The following PTPRO variants were observed in gnomAD, a reference collection of about 807,000 sequenced individuals.
The protein encoded by PTPRO is receptor-type tyrosine-protein phosphatase O.
A neutral mutation model predicts 145.2 loss-of-function variants in PTPRO; 62 were observed. That is an observed-to-expected ratio of 0.43 (90% CI 0.35 to 0.53). The LOEUF (loss-of-function observed/expected upper bound fraction) is 0.53. Among genes scored for constraint, PTPRO ranks in the 20% least tolerant of loss-of-function variants. The pLI, the probability that PTPRO is intolerant of heterozygous loss-of-function variation, is 0.01. For synonymous variants in PTPRO, 565 were observed against 514.7 expected, an observed-to-expected ratio of 1.10 and a Z score of -1.32; for missense variants, 1,345 against 1,482.7, an observed-to-expected ratio of 0.91 and a Z score of 1.53.
At chr12:15,567,928 ATGC>A (rs1943942825) in intron 18 of PTPRO, among the ~76,000 whole-genome samples, 1 of 152,176 alleles carries the variant, frequency 6.6e-6, no homozygotes, top group Admixed American at 6.5e-5. Flanking sequence ...AAGCAAGATA[ATGC>A]ATGTGACTAT....
intron 17 of PTPRO, among the ~76,000 whole-genome samples, chr12:15,563,272 A>G (rs1943820034): frequency 6.6e-6 from 1 of 152,056 alleles, no homozygotes; most frequent in Non-Finnish European, 1.5e-5. Flanking sequence ...TGCAATGAAA[A>G]GGCGAACCCT....
rs1944693177 is a variant in PTPRO, at chr12:15,598,050, A to C, written c.*1977A>C. 6.6e-6 allele frequency among the ~76,000 whole-genome samples: 1 copy of C among 152,196 alleles called. No homozygotes were observed. Among genetic ancestry groups the C allele is most frequent in the Non-Finnish European group, 1.5e-5 (1 of 68,046 alleles). On this transcript the variant is annotated 3_prime_UTR_variant, in exon 27 of 27. Coordinates refer to ENST00000281171, the MANE Select transcript of PTPRO (RefSeq NM_030667.3). The stretch of plus-strand genomic sequence containing the variant: ...TGCTTCCCATGAAACAAAGCACTTC[A>C]TAAATATTTTATGTTTTTCTTGAGC...
intron 9 of PTPRO, among the ~76,000 whole-genome samples, chr12:15,517,577 G>A (rs1565679658): frequency 6.6e-6 from 1 of 152,150 alleles, no homozygotes; most frequent in Non-Finnish European, 1.5e-5. Context: ...CTGCCTATGA[G>A]TCTGTAAAAT....
intron 1 of PTPRO, among the ~76,000 whole-genome samples, chr12:15,474,256 C>T (rs1263529413): frequency 2.0e-5 from 3 of 152,146 alleles, no homozygotes; most frequent in Non-Finnish European, 2.9e-5. Flanking sequence ...ATATCTCTGA[C>T]CCGTTTTTGT....
intron 1 of PTPRO, among the ~76,000 whole-genome samples, chr12:15,368,766 T>C (rs532963292): frequency 6.6e-6 from 1 of 152,258 alleles, no homozygotes; most frequent in Non-Finnish European, 1.5e-5. Flanking sequence ...AGATTTCACA[T>C]TGAGAATGTT....
intron 1 of PTPRO, among the ~76,000 whole-genome samples, chr12:15,327,769 T>C (rs1866488219): frequency 6.6e-6 from 1 of 151,886 alleles, no homozygotes; most frequent in Non-Finnish European, 1.5e-5. Flanking sequence ...TTGGGATGAG[T>C]GTGAATGGGT....
chr12:15,426,443 C>A (rs1030788018), intron 1 of PTPRO, among the ~76,000 whole-genome samples: 1 of 151,852 alleles, frequency 6.6e-6, no homozygotes. Context: ...GAAAACTATT[C>A]GTGATAATAT....
chr12:15,472,936 A>G (rs534193853), intron 1 of PTPRO, among the ~76,000 whole-genome samples: 153 of 152,328 alleles, frequency 1.0e-3, no homozygotes, highest in African/African-American at 3.5e-3. Flanking sequence ...AATTCTAGTT[A>G]TAAAACTTCA....
intron 1 of PTPRO, among the ~76,000 whole-genome samples, chr12:15,400,389 G>A (rs766513765): frequency 3.9e-5 from 6 of 152,076 alleles, no homozygotes; most frequent in African/African-American, 9.7e-5. Context: ...ACCTTGTACC[G>A]CTGTGCCTAT....
chr12:15,531,354 C>T (rs1366098630), intron 12 of PTPRO, among the ~76,000 whole-genome samples: 1 of 152,094 alleles, frequency 6.6e-6, no homozygotes, highest in Non-Finnish European at 1.5e-5. Flanking sequence ...CAAATTCATT[C>T]TGTAAGATAA....
At chr12:15,587,077 T>C in intron 24 of PTPRO, 26 bp downstream of exon 24, 4 of 1,613,556 alleles carry the variant, frequency 2.5e-6, no homozygotes, top group Non-Finnish European at 8.5e-7. Flanking sequence ...GCATTTTCTA[T>C]TAAATATTAG....
At chr12:15,412,576 A>G (rs1046389781) in intron 1 of PTPRO, among the ~76,000 whole-genome samples, 10 of 152,234 alleles carry the variant, frequency 6.6e-5, no homozygotes, top group Non-Finnish European at 1.3e-4. Context: ...GGTAACTCTA[A>G]TAAACAAATC....
In PTPRO at chr12:15,448,339, T is replaced by TAA. The variant is rs56136736; in HGVS notation, c.76-35615_76-35614dup. Among the ~76,000 whole-genome samples, 398 of 45,042 alleles carry TAA rather than the reference T, an allele frequency of 8.8e-3. 89 individuals carry two copies. The East Asian group carries it at 0.26, about 29-fold the overall frequency. The allele number at this position is 45,042 out of a possible 152,430, so 29.5% of individuals were successfully genotyped here. The stretch of plus-strand genomic sequence containing the variant: ...CTCTATTCTATCTTCCTGTTCCTAG[T>TAA]AAAAAAAAAAAAAAAAAAAAAGCAC... On this transcript the variant is annotated intron_variant, in intron 1 of 26. Transcript: ENST00000281171.
chr12:15,467,956 C>T (rs142023038), intron 1 of PTPRO, among the ~76,000 whole-genome samples: 22 of 152,338 alleles, frequency 1.4e-4, no homozygotes, highest in African/African-American at 5.3e-4. Context: ...CTTGAATGTC[C>T]TCTGCCCTCC....
intron 18 of PTPRO, among the ~76,000 whole-genome samples, chr12:15,565,979 T>C (rs766727456): frequency 3.9e-5 from 6 of 152,236 alleles, no homozygotes; most frequent in South Asian, 2.1e-4. Context: ...AAAATCCTTT[T>C]AGTATTTTGA....
At chr12:15,539,801 T>G (rs1369391547) in intron 12 of PTPRO, among the ~76,000 whole-genome samples, 1 of 127,552 alleles carries the variant, frequency 7.8e-6, no homozygotes, top group African/African-American at 3.1e-5. Flanking sequence ...AAAAAGAATA[T>G]AGTTAAAAAG....
intron 1 of PTPRO, among the ~76,000 whole-genome samples, chr12:15,329,995 T>C (rs542449844): frequency 4.6e-5 from 7 of 152,160 alleles, no homozygotes; most frequent in Non-Finnish European, 7.3e-5. Context: ...AATGCAGATA[T>C]ATATCAAAGG....
At chr12:15,505,072 G>A (rs959493823) in intron 6 of PTPRO, among the ~76,000 whole-genome samples, 20 of 152,124 alleles carry the variant, frequency 1.3e-4, no homozygotes, top group Non-Finnish European at 2.4e-4. Context: ...TAAGAAAGAG[G>A]ACAAAGTCGA....
rs1944668699 is a variant in PTPRO, at chr12:15,596,832, T to C, written c.*759T>C. ...CTTGGCCCTTTTGGACTAATGTTACTGTCCAAGTTCTTTCTCAAGAAACCA... is the reference window on the plus strand; with the variant it reads ...CTTGGCCCTTTTGGACTAATGTTACCGTCCAAGTTCTTTCTCAAGAAACCA... On this transcript the variant is annotated 3_prime_UTR_variant, in exon 27 of 27. Transcript: ENST00000281171. 1 of 152,644 alleles carries C rather than the reference T, an allele frequency of 6.6e-6. No homozygotes were observed. The highest frequency in any genetic ancestry group is 1.5e-5 in the Non-Finnish European group (1 of 68,042). 9.5% of individuals were successfully genotyped at this position (152,644 alleles called of 1,614,324 possible). A position where few individuals can be genotyped will look rare whatever the true frequency, so the allele number is the denominator to read the frequency against.
Sources: gnomAD v4.1 joint callset for allele counts (sites outside exome capture counted in the v4.1 genomes callset) on GRCh38, gnomAD v4.1.1 for gene constraint, MANE v1.5 for transcripts, NCBI Gene and HGNC (gene_info 2026-07-23, HGNC 2026-07-21) for gene names.